SNRPD2: variants seen among roughly 807,000 people sequenced by gnomAD.
SNRPD2 encodes small nuclear ribonucleoprotein Sm D2.
A neutral mutation model predicts 11.5 loss-of-function variants in SNRPD2; 1 was observed. That is an observed-to-expected ratio of 0.09 (90% confidence interval 0.03 to 0.41). The LOEUF is 0.41. Ranked by LOEUF, SNRPD2 falls within the 10% of genes least tolerant of loss-of-function variation. SNRPD2 has a pLI of 0.98. For synonymous variants in SNRPD2, 63 were observed against 61.5 expected, an observed-to-expected ratio of 1.02 and a Z score of -0.12; for missense variants, 77 against 154.9, an observed-to-expected ratio of 0.50 and a Z score of 2.67.
At chr19:45,689,082 C>G (rs576507806) in intron 1 of SNRPD2, among the ~76,000 whole-genome samples, 1 of 150,650 alleles carries the variant, frequency 6.6e-6, no homozygotes, top group African/African-American at 2.4e-5. Context: ...ATCACCCAAC[C>G]ACCCAAGCCT....
chr19:45,688,858 G>A lies in SNRPD2; in HGVS notation c.3-292C>T, dbSNP rs541710847. ...AGCGATTCTCCTGCCTCAGCCTCCT[G>A]AGGAGCTGGGACTACAGGCATGCAC... On this transcript the variant is annotated intron_variant, in intron 1 of 2. Transcript: ENST00000342669. The surrounding 1 kb of genome is among the most constrained non-coding windows in gnomAD (Gnocchi z 4.1). 2.2e-4 allele frequency among the ~76,000 whole-genome samples: 34 copies of A among 151,972 alleles called. 2 individuals are homozygous for A. The South Asian group carries it at 5.6e-3, about 25-fold the overall frequency.
intron 1 of SNRPD2, 87 bp downstream of exon 1, chr19:45,691,800 C>T (rs142586385): frequency 7.2e-6 from 11 of 1,531,750 alleles, no homozygotes; most frequent in South Asian, 1.1e-5. Context: ...CCTGCCCCCC[C>T]CGCTCTGCTC....
intron 1 of SNRPD2, among the ~76,000 whole-genome samples, chr19:45,691,048 A>G (rs1326392568): frequency 6.6e-6 from 1 of 152,150 alleles, no homozygotes; most frequent in Non-Finnish European, 1.5e-5. Context: ...ACCCGTCTCC[A>G]GCTCAAATGA....
chr19:45,689,145 T>A (rs28396273), intron 1 of SNRPD2: 152,422 of 513,892 alleles, frequency 0.3, 23,932 homozygotes, highest in Admixed American at 0.44. Context: ...ATCCTTCTAG[T>A]TCTCTGGGCA....
intron 1 of SNRPD2, chr19:45,689,234 A>G (rs1967480360): frequency 1.9e-6 from 1 of 520,018 alleles, no homozygotes; most frequent in Non-Finnish European, 3.8e-6. Flanking sequence ...GTTTCTTACC[A>G]TGGCCTAAGC....
Position 45,687,741 on chromosome 19 carries a change from G to A in SNRPD2, c.183-14C>T. ...ATGTTGCAGTGCCTGGTGGGGAACA[G>A]GGAGGGGAGGCACTGGGCGTGAGGG... On this transcript the variant is annotated splice_polypyrimidine_tract_variant and intron_variant, in intron 2 of 2. Coordinates refer to ENST00000342669, the MANE Select transcript of SNRPD2 (RefSeq NM_001384647.1). This position sits in a 1 kb window ranked among gnomAD's most constrained non-coding sequence, Gnocchi z 4.1. 6.2e-7 allele frequency: 1 copy of A among 1,611,078 alleles called. No homozygotes were observed. The highest frequency in any genetic ancestry group is 1.9e-4 in the Middle Eastern group (1 of 5,256).
At chr19:45,690,329 C>CAAAAAA in intron 1 of SNRPD2, among the ~76,000 whole-genome samples, 1 of 74,590 alleles carries the variant, frequency 1.3e-5, no homozygotes, top group African/African-American at 5.8e-5. Flanking sequence ...GACTCCGTCT[C>CAAAAAA]AAAAAAAAAA....
intron 1 of SNRPD2, 193 bp downstream of exon 1, chr19:45,691,694 T>G: frequency 1.4e-6 from 1 of 720,126 alleles, no homozygotes; most frequent in Non-Finnish European, 2.5e-6. Context: ...GATAAAGCTG[T>G]CCCCTCTCCC....
upstream of SNRPD2, chr19:45,692,003 C>T: frequency 1.2e-6 from 2 of 1,609,592 alleles, no homozygotes; most frequent in Non-Finnish European, 8.5e-7. Flanking sequence ...CTGCGCAAAG[C>T]CAACCAGTAA....
At chr19:45,690,257 AG>A (rs1378728884) in intron 1 of SNRPD2, among the ~76,000 whole-genome samples, 1 of 131,456 alleles carries the variant, frequency 7.6e-6, no homozygotes, top group African/African-American at 2.9e-5. Flanking sequence ...CGTGAACCCC[AG>A]GGGGCGGAGG....
upstream of SNRPD2, chr19:45,692,209 G>T (rs766236377): frequency 2.4e-5 from 11 of 449,392 alleles, no homozygotes; most frequent in Non-Finnish European, 3.5e-5. Context: ...GAAATGACAA[G>T]CTATTTCCAA....
At chr19:45,692,122 G>T, upstream of SNRPD2, 1 of 1,021,076 alleles carries the variant, frequency 9.8e-7, no homozygotes, top group South Asian at 1.6e-5. Context: ...GGGGGCAGAT[G>T]TTTATGACAA....
rs1175507074 is a variant in SNRPD2, at chr19:45,688,554, G to A, written c.15C>T (p.Asn5=). The part of the protein sequence containing the change: MSLL[N]KPKSEMTPEE... ...CTGGGGTCATCTCACTCTTGGGCTT[G>A]TTGAGGAGGCTCCTGCATGGACAAA... Residue 5 remains asparagine (N), a synonymous_variant, in exon 2 of 3, where the codon AAC becomes AAT. Coordinates refer to ENST00000342669, the MANE Select transcript of SNRPD2 (RefSeq NM_001384647.1). The surrounding 1 kb of genome is among the most constrained non-coding windows in gnomAD (Gnocchi z 4.1). The A allele has an allele frequency of 6.2e-7, 1 of 1,613,822 alleles. No homozygotes were observed. Among genetic ancestry groups the A allele is most frequent in the Non-Finnish European group, 8.5e-7 (1 of 1,179,868 alleles).
At chr19:45,689,407 C>G in intron 1 of SNRPD2, 1 of 386,914 alleles carries the variant, frequency 2.6e-6, no homozygotes, top group East Asian at 7.1e-5. Flanking sequence ...GTGGCTCATG[C>G]CTGTAATCCT....
intron 1 of SNRPD2, chr19:45,690,428 G>C (rs1336607298): frequency 2.0e-5 from 3 of 151,430 alleles, no homozygotes; most frequent in Admixed American, 6.6e-5. Context: ...TTGAACCCAG[G>C]AGACAGAGCT....
At position 45,687,488 on chromosome 19, in the gene SNRPD2, T is replaced by C; in HGVS notation, c.*65A>G. On this transcript the variant is annotated 3_prime_UTR_variant, in exon 3 of 3. Coordinates refer to ENST00000342669, the MANE Select transcript of SNRPD2 (RefSeq NM_001384647.1). The surrounding 1 kb of genome is among the most constrained non-coding windows in gnomAD (Gnocchi z 4.1). ...AAAAAAACACAGAGCTTTATTATTC[T>C]CAACACCAATGGCAGCGGTCTTCAT... 1 of 1,446,332 alleles carries C rather than the reference T, an allele frequency of 6.9e-7. No homozygotes were observed. Among genetic ancestry groups the C allele is most frequent in the Non-Finnish European group, 9.6e-7 (1 of 1,036,706 alleles). 89.6% of individuals were successfully genotyped at this position (1,446,332 alleles called of 1,614,324 possible). A position where few individuals can be genotyped will look rare whatever the true frequency, so the allele number is the denominator to read the frequency against.
At chr19:45,692,226 G>T, upstream of SNRPD2, 1 of 400,922 alleles carries the variant, frequency 2.5e-6, no homozygotes, top group Non-Finnish European at 4.5e-6. Flanking sequence ...CCAAATGCCC[G>T]CCGGCCGTGA....
rs1235591146 is a variant in SNRPD2, at chr19:45,687,822, G to T, written c.183-95C>A. On this transcript the variant is annotated intron_variant, in intron 2 of 2. Transcript: ENST00000342669. This position sits in a 1 kb window ranked among gnomAD's most constrained non-coding sequence, Gnocchi z 4.1. Reference sequence around the variant, plus strand: ...GCTGCTCGCCCCCTCCAGCAGCATGGCTTGGGGAAGGGTGCAGGTGCTAGG... The same window carrying T: ...GCTGCTCGCCCCCTCCAGCAGCATGTCTTGGGGAAGGGTGCAGGTGCTAGG... 3 of 1,031,784 alleles carry T rather than the reference G, an allele frequency of 2.9e-6. No individual in the cohort carries two copies. Among genetic ancestry groups the T allele is most frequent in the Non-Finnish European group, 4.4e-6 (3 of 681,754 alleles). The allele number at this position is 1,031,784 out of a possible 1,614,324, so 63.9% of individuals were successfully genotyped here.
intron 1 of SNRPD2, chr19:45,689,092 T>G (rs747560295): frequency 7.0e-6 from 3 of 429,788 alleles, no homozygotes; most frequent in Non-Finnish European, 1.4e-5. Flanking sequence ...CACCCAAGCC[T>G]ACCCTATCTA....
Sources: gnomAD v4.1 joint callset for allele counts (sites outside exome capture counted in the v4.1 genomes callset) on GRCh38, gnomAD v4.1.1 for gene constraint, Gnocchi (gnomAD v3.1) non-coding constraint, MANE v1.5 for transcripts, NCBI Gene and HGNC (gene_info 2026-07-23, HGNC 2026-07-21) for gene names.